The following THSD7B variants were observed in gnomAD, a reference collection of about 807,000 sequenced individuals.
THSD7B encodes the protein thrombospondin type 1 domain containing 7B.
Under a neutral mutation model 213.6 loss-of-function variants are expected in THSD7B, and 138 were observed. The ratio of observed to expected loss-of-function variants is 0.65; its 90% CI spans 0.56 to 0.74. The LOEUF (loss-of-function observed/expected upper bound fraction) is 0.74, where lower values mean the gene tolerates loss of function less well. Among genes scored for constraint, THSD7B ranks in the 30% least tolerant of loss-of-function variants. The pLI, the probability that THSD7B is intolerant of heterozygous loss-of-function variation, is 0.00. For synonymous variants in THSD7B, 742 were observed against 687.0 expected (o/e 1.08, Z -1.25); for missense variants, 1,931 against 1,991.5 (o/e 0.97, Z 0.58).
At chr2:137,140,926 A>G (rs894634998) in intron 5 of THSD7B, among the ~76,000 whole-genome samples, 5 of 152,214 alleles carry the variant, frequency 3.3e-5, no homozygotes, top group African/African-American at 1.2e-4. Context: ...CAAATAGGGA[A>G]GTCAGTAAAA....
chr2:137,412,603 A>AG (rs1686685821), intron 14 of THSD7B, among the ~76,000 whole-genome samples: 1 of 146,406 alleles, frequency 6.8e-6, no homozygotes, highest in East Asian at 2.0e-4. Context: ...GTCTCAAAAA[A>AG]AAAAAAACAA....
chr2:137,081,132 T>C (rs1164819664), intron 3 of THSD7B, among the ~76,000 whole-genome samples: 1 of 152,184 alleles, frequency 6.6e-6, no homozygotes, highest in Non-Finnish European at 1.5e-5. Flanking sequence ...CTTGAGAATG[T>C]CTTTATTTTA....
intron 2 of THSD7B, among the ~76,000 whole-genome samples, chr2:136,968,721 A>G (rs1685359317): frequency 3.3e-5 from 5 of 152,148 alleles, no homozygotes; most frequent in Non-Finnish European, 7.4e-5. Flanking sequence ...ATTTTTTAAA[A>G]GATTTTAATA....
At chr2:137,433,300 G>A (rs1687224065) in intron 14 of THSD7B, among the ~76,000 whole-genome samples, 1 of 151,952 alleles carries the variant, frequency 6.6e-6, no homozygotes, top group Non-Finnish European at 1.5e-5. Flanking sequence ...GGACACAAAA[G>A]ATGCTCAAAA....
chr2:137,659,113 C>T (rs922392746), intron 24 of THSD7B, among the ~76,000 whole-genome samples: 1 of 152,166 alleles, frequency 6.6e-6, no homozygotes, highest in Admixed American at 6.5e-5. Context: ...GGTGCTTGCT[C>T]TTAAGAATGT....
intron 12 of THSD7B, among the ~76,000 whole-genome samples, chr2:137,385,689 CA>C (rs575734019): frequency 8.5e-5 from 13 of 152,118 alleles, no homozygotes; most frequent in African/African-American, 2.9e-4. Context: ...CACACACGTG[CA>C]AAAAAGTCTC....
chr2:136,845,530 A>AT (rs2104959080), intron 1 of THSD7B, among the ~76,000 whole-genome samples: 1 of 152,246 alleles, frequency 6.6e-6, no homozygotes, highest in African/African-American at 2.4e-5. Flanking sequence ...TTATGTATTT[A>AT]TTTTGCCCCA....
chr2:137,615,192 G>T (rs989670046), intron 17 of THSD7B, among the ~76,000 whole-genome samples: 1 of 152,160 alleles, frequency 6.6e-6, no homozygotes, highest in African/African-American at 2.4e-5. Context: ...AAGAGGCAGG[G>T]TGATGAAGAA....
chr2:136,875,133 C>T (rs1441109290), intron 1 of THSD7B, among the ~76,000 whole-genome samples: 1 of 152,146 alleles, frequency 6.6e-6, no homozygotes, highest in East Asian at 1.9e-4. Context: ...GTTCAAACTC[C>T]ATTCTGGGCT....
chr2:137,356,115 C>T (rs1272272165), intron 12 of THSD7B, among the ~76,000 whole-genome samples: 1 of 152,086 alleles, frequency 6.6e-6, no homozygotes, highest in Non-Finnish European at 1.5e-5. Context: ...GACATGAAGG[C>T]TCTTTGTGTG....
intron 2 of THSD7B, among the ~76,000 whole-genome samples, chr2:136,998,796 A>C (rs561113990): frequency 6.6e-6 from 1 of 152,192 alleles, no homozygotes; most frequent in East Asian, 1.9e-4. Context: ...TTGTTTCAAG[A>C]GGCAGAAACA....
chr2:137,030,410 G>C (rs554165391), intron 2 of THSD7B, among the ~76,000 whole-genome samples: 1 of 152,122 alleles, frequency 6.6e-6, no homozygotes, highest in South Asian at 2.1e-4. Context: ...CAGTAGGCAC[G>C]AGTTTAGGCT....
At chr2:136,804,821 G>T (rs896923572) in intron 1 of THSD7B, among the ~76,000 whole-genome samples, 5 of 152,140 alleles carry the variant, frequency 3.3e-5, no homozygotes, top group African/African-American at 1.2e-4. Context: ...TCATGCTGCT[G>T]CCAGAGAGTG....
intron 3 of THSD7B, among the ~76,000 whole-genome samples, chr2:137,068,121 CTA>C (rs1455445346): frequency 6.6e-6 from 1 of 151,994 alleles, no homozygotes; most frequent in Non-Finnish European, 1.5e-5. Flanking sequence ...GCCATTTTCT[CTA>C]TGACTTCGAT....
chr2:137,594,039 G>A (rs1171284417), intron 17 of THSD7B, among the ~76,000 whole-genome samples: 4 of 151,988 alleles, frequency 2.6e-5, no homozygotes, highest in African/African-American at 4.8e-5. Context: ...AGTGTTAAAT[G>A]TTCCAAAAAG....
At chr2:136,830,249 A>T (rs778970820) in intron 1 of THSD7B, among the ~76,000 whole-genome samples, 1 of 152,180 alleles carries the variant, frequency 6.6e-6, no homozygotes, top group Non-Finnish European at 1.5e-5. Context: ...AAGGGTGCAG[A>T]TGTTTGGCAT....
intron 17 of THSD7B, among the ~76,000 whole-genome samples, chr2:137,596,223 G>A (rs1007739769): frequency 1.4e-5 from 2 of 147,898 alleles, no homozygotes; most frequent in Non-Finnish European, 3.0e-5. Context: ...CAGGGACAGA[G>A]CCCAGACTGC....
At chr2:136,798,709 C>T in intron 1 of THSD7B, among the ~76,000 whole-genome samples, 1 of 151,986 alleles carries the variant, frequency 6.6e-6, no homozygotes. Context: ...TACTCTCTTG[C>T]AAAATCAGCA....
At chr2:137,515,541 T>C (rs1387712024) in intron 15 of THSD7B, among the ~76,000 whole-genome samples, 1 of 151,852 alleles carries the variant, frequency 6.6e-6, no homozygotes, top group Admixed American at 6.6e-5. Context: ...ACTACTTGAG[T>C]TTTCTAATTA....
Sources: allele counts gnomAD v4.1 joint callset (sites outside exome capture counted in the v4.1 genomes callset), GRCh38; gene constraint gnomAD v4.1.1; transcripts MANE v1.5; gene names NCBI Gene and HGNC (gene_info 2026-07-23, HGNC 2026-07-21).